The following CSNK1G3 variants were observed in gnomAD, a reference collection of about 807,000 sequenced individuals.
CSNK1G3 encodes casein kinase 1 gamma 3, also known as casein kinase I isoform gamma-3.
A neutral mutation model predicts 64.3 loss-of-function variants in CSNK1G3; 23 were observed. The ratio of observed to expected loss-of-function variants is 0.36; its 90% CI spans 0.26 to 0.51. The LOEUF (loss-of-function observed/expected upper bound fraction) is 0.51, where lower values mean the gene tolerates loss of function less well. Among genes scored for constraint, CSNK1G3 ranks in the 20% least tolerant of loss-of-function variants. CSNK1G3 has a pLI of 0.96. For synonymous variants in CSNK1G3, 158 were observed against 162.2 expected, an observed-to-expected ratio of 0.97 and a Z score of 0.20; for missense variants, 357 against 510.5, an observed-to-expected ratio of 0.70 and a Z score of 2.90.
chr5:123,575,558 G>A (rs1191270250), intron 5 of CSNK1G3, among the ~76,000 whole-genome samples, 171 bp from the exon 6 acceptor site: 2 of 152,116 alleles, frequency 1.3e-5, no homozygotes, highest in Admixed American at 1.3e-4. Context: ...ATTTTAAATT[G>A]CAATTTGCTA....
intron 6 of CSNK1G3, among the ~76,000 whole-genome samples, chr5:123,577,994 A>G (rs1007670582): frequency 6.6e-6 from 1 of 151,944 alleles, no homozygotes; most frequent in Non-Finnish European, 1.5e-5. Context: ...TGGTGGGTAT[A>G]ATGTCTTTAA....
At chr5:123,553,021 A>G (rs554835262) in intron 2 of CSNK1G3, 86 bp from the exon 3 acceptor site, 3 of 700,976 alleles carry the variant, frequency 4.3e-6, no homozygotes, top group East Asian at 3.0e-5. Flanking sequence ...TAAATGTATT[A>G]TGTGCTTTTT....
chr5:123,600,351 C>A (rs998842042), intron 10 of CSNK1G3, among the ~76,000 whole-genome samples: 1 of 151,962 alleles, frequency 6.6e-6, no homozygotes, highest in Non-Finnish European at 1.5e-5. Context: ...ACAGGAGGGG[C>A]GTGGTGGCTC....
At chr5:123,570,707 A>G (rs1581191268) in intron 4 of CSNK1G3, among the ~76,000 whole-genome samples, 2 of 152,084 alleles carry the variant, frequency 1.3e-5, no homozygotes, top group Admixed American at 1.3e-4. Flanking sequence ...TACATTTTTT[A>G]TATAGTTCTA....
At chr5:123,537,939 A>G (rs1781106381) in intron 1 of CSNK1G3, among the ~76,000 whole-genome samples, 1 of 152,178 alleles carries the variant, frequency 6.6e-6, no homozygotes, top group African/African-American at 2.4e-5. Flanking sequence ...GTAATAGGTA[A>G]TTGTTTATGC....
chr5:123,526,398 T>G (rs1463499374), intron 1 of CSNK1G3, among the ~76,000 whole-genome samples: 1 of 152,092 alleles, frequency 6.6e-6, no homozygotes, highest in Non-Finnish European at 1.5e-5. Context: ...AAAATTAAAT[T>G]TATTAGTGGG....
At chr5:123,583,325 A>AT (rs1235918432) in intron 6 of CSNK1G3, among the ~76,000 whole-genome samples, 4 of 145,342 alleles carry the variant, frequency 2.8e-5, no homozygotes, top group African/African-American at 1.0e-4. Context: ...TTAAAATTCA[A>AT]TTTTCACTTG....
intron 6 of CSNK1G3, among the ~76,000 whole-genome samples, chr5:123,583,814 G>A (rs1790807339): frequency 6.6e-6 from 1 of 151,764 alleles, no homozygotes; most frequent in Non-Finnish European, 1.5e-5. Context: ...CTAGTAACTG[G>A]GACTACAGGT....
intron 1 of CSNK1G3, among the ~76,000 whole-genome samples, chr5:123,522,723 A>G (rs78317851): frequency 0.02 from 3,033 of 152,172 alleles, 105 homozygotes; most frequent in African/African-American, 0.07. Flanking sequence ...TTTAGTACAG[A>G]TGCTTTTTTT....
intron 1 of CSNK1G3, among the ~76,000 whole-genome samples, chr5:123,519,117 G>A (rs1175553871): frequency 1.3e-5 from 2 of 152,264 alleles, no homozygotes; most frequent in African/African-American, 4.8e-5. Flanking sequence ...GCCATGGCAT[G>A]ATCTCGGTTC....
intron 6 of CSNK1G3, among the ~76,000 whole-genome samples, chr5:123,579,258 A>T (rs1422651655): frequency 6.7e-6 from 1 of 149,846 alleles, no homozygotes; most frequent in African/African-American, 2.5e-5. Flanking sequence ...TTCTTTTCAG[A>T]CATCTGAAAT....
intron 10 of CSNK1G3, among the ~76,000 whole-genome samples, chr5:123,600,996 A>G (rs1223290427): frequency 1.3e-5 from 2 of 151,988 alleles, no homozygotes; most frequent in Admixed American, 6.6e-5. Context: ...AAGAACAACA[A>G]CAATCCTGTA....
At chr5:123,615,203 CT>C (rs1372380897) in exon 13 of CSNK1G3, 13 of 152,520 alleles carry the variant, frequency 8.5e-5, no homozygotes, top group African/African-American at 3.1e-4. Context: ...GAAATGAATA[CT>C]TTAAAAAGTG....
intron 1 of CSNK1G3, among the ~76,000 whole-genome samples, chr5:123,541,797 AT>A (rs1321259804): frequency 6.6e-6 from 1 of 150,814 alleles, no homozygotes; most frequent in Non-Finnish European, 1.5e-5. Flanking sequence ...TAGTCTGACA[AT>A]TTTTTTCTTT....
At chr5:123,533,925 TA>T (rs1780382514) in intron 1 of CSNK1G3, among the ~76,000 whole-genome samples, 1 of 152,012 alleles carries the variant, frequency 6.6e-6, no homozygotes, top group African/African-American at 2.4e-5. Flanking sequence ...GGGACTAGGC[TA>T]ATATTTCTGG....
intron 6 of CSNK1G3, among the ~76,000 whole-genome samples, chr5:123,577,546 T>G (rs1451066246): frequency 7.4e-6 from 1 of 135,950 alleles, no homozygotes. Context: ...TTTTCCATAT[T>G]TGTATCTTTT....
chr5:123,605,298 C>T (rs1332407232), intron 11 of CSNK1G3, 41 bp from the exon 13 acceptor site: 7 of 1,534,752 alleles, frequency 4.6e-6, no homozygotes, highest in African/African-American at 1.4e-5. Context: ...CTCTCTCTCT[C>T]TTTTTTTTCC....
intron 1 of CSNK1G3, among the ~76,000 whole-genome samples, chr5:123,525,381 G>A (rs1778874152): frequency 6.6e-6 from 1 of 150,426 alleles, no homozygotes. Context: ...GTGCGATCTC[G>A]GCTCACTACA....
chr5:123,575,959 A>G, exon 6 of CSNK1G3: 1 of 1,595,856 alleles, frequency 6.3e-7, no homozygotes, highest in Non-Finnish European at 8.6e-7. Flanking sequence ...CACATTTAGG[A>G]AAAGGTATGT....
Sources: allele counts gnomAD v4.1 joint callset (sites outside exome capture counted in the v4.1 genomes callset), GRCh38; gene constraint gnomAD v4.1.1; transcripts MANE v1.5; gene names NCBI Gene and HGNC (gene_info 2026-07-23, HGNC 2026-07-21).